TTN: variants seen among roughly 807,000 people sequenced by gnomAD.
TTN encodes the protein titin.
In TTN, 1,525 loss-of-function variants were observed where a neutral mutation model predicts 3,223.0. That is an observed-to-expected ratio of 0.47 (90% CI 0.45 to 0.49). The LOEUF is 0.49. Among genes scored for constraint, TTN ranks in the 20% least tolerant of loss-of-function variants. TTN has a pLI of 0.00. For synonymous variants in TTN, 14,094 were observed against 15,161.0 expected (o/e 0.93, Z 5.17); for missense variants, 40,786 against 43,424.0 (o/e 0.94, Z 5.40).
At chr2:178,647,325 A>T in intron 214 of TTN, 56 bp downstream of exon 214, 1 of 1,524,296 alleles carries the variant, frequency 6.6e-7, no homozygotes, top group Non-Finnish European at 8.9e-7. Flanking sequence ...CTACAATCAA[A>T]GCAAGAGGAT....
Position 178,715,155 on chromosome 2 carries a change from A to C in TTN, c.26031T>G (p.Tyr8677Ter). 4 of 1,613,750 alleles carry C rather than the reference A, an allele frequency of 2.5e-6. No homozygotes were observed. The highest frequency in any genetic ancestry group is 3.4e-6 in the Non-Finnish European group (4 of 1,179,712). Residue 8677 changes from tyrosine (Y) to a stop codon, truncating the protein, a stop_gained, in exon 90 of 363, where the codon TAT becomes TAG. Transcript: ENST00000589042. LOFTEE classifies it high-confidence loss of function. ...QGTPPFHVSW[Y>*]KDKRELRSGK... is the part of the protein sequence containing the mutation. The stretch of plus-strand genomic sequence containing the variant: ...CGCTCCTAAGTTCTCTCTTGTCTTT[A>C]TACCAAGAAACGTGAAATGGGGGAG...
At chr2:178,745,726 C>A (rs982843494) in intron 47 of TTN, 9 of 1,612,456 alleles carry the variant, frequency 5.6e-6, no homozygotes, top group South Asian at 1.1e-5. Flanking sequence ...CAACAGTGAA[C>A]CTTCTTCCTT....
chr2:178,558,866 G>T (rs898164529), intron 326 of TTN: 5 of 511,956 alleles, frequency 9.8e-6, no homozygotes, highest in Non-Finnish European at 1.7e-5. Flanking sequence ...AAAATGACCA[G>T]ATTAAATGAT....
chr2:178,541,220 G>C, intron 350 of TTN, 62 bp downstream of exon 350: 1 of 1,401,082 alleles, frequency 7.1e-7, no homozygotes, highest in South Asian at 1.6e-5. Flanking sequence ...ATTTCAAAAA[G>C]GTGAATTTTC....
intron 137 of TTN, 94 bp downstream of exon 137, chr2:178,681,282 A>G: frequency 6.9e-7 from 1 of 1,443,646 alleles, no homozygotes; most frequent in South Asian, 1.2e-5. Flanking sequence ...CATCCTACTC[A>G]GCAAAAACAC....
In TTN at chr2:178,574,023, C is replaced by T. The variant is rs916450369; in HGVS notation, c.72109G>A (p.Asp24037Asn). The T allele has an allele frequency of 1.2e-6, 2 of 1,613,440 alleles. No individual in the cohort carries two copies. Among genetic ancestry groups the T allele is most frequent in the Non-Finnish European group, 8.5e-7 (1 of 1,179,626 alleles). ...PKIKVDVKFK[D>N]TVILKAGEAF... ...TCACCTGCTTTTAATATAACCGTGT[C>T]CTTAAATTTAACATCCACCTTTATC... The change falls in exon 326 of 363, where the codon GAC (aspartate) becomes AAC (asparagine). Residue 24037 changes from aspartate to asparagine, a missense_variant. Physicochemically the swap from Asp to Asn is conservative, Grantham distance 23. Coordinates refer to ENST00000589042, the MANE Select transcript of TTN (RefSeq NM_001267550.2).
rs1420753673 is a variant in TTN at position 178,587,972 on chromosome 2, C to T, written c.63435G>A (p.Val21145=). 1 of 1,611,778 alleles carries T rather than the reference C, an allele frequency of 6.2e-7. No individual in the cohort carries two copies. ...CAATACCAACTTGGTTTTGGGCACA[C>T]ACCCTGAACTCATATTCCTGGTTTT... is the stretch of plus-strand genomic sequence containing the variant. ...LDENQEYEFR[V]CAQNQVGIGR... is the part of the protein sequence containing the mutation. Residue 21145 remains valine (V), a synonymous_variant, in exon 305 of 363, where the codon GTG becomes GTA. Transcript: ENST00000589042.
At chr2:178,744,561 T>C (rs1372246756) in intron 47 of TTN, 2 of 905,360 alleles carry the variant, frequency 2.2e-6, no homozygotes, top group Admixed American at 1.2e-4. Flanking sequence ...AAAAATTGAA[T>C]GCTTATTAAG....
intron 240 of TTN, among the ~76,000 whole-genome samples, chr2:178,626,489 C>T (rs1316604406): frequency 2.0e-5 from 3 of 151,830 alleles, no homozygotes; most frequent in Admixed American, 6.6e-5. Flanking sequence ...GTTTACTTAG[C>T]GTTAAAAATA....
At chr2:178,695,326 T>G in intron 115 of TTN, 22 bp downstream of exon 115, 1 of 1,600,242 alleles carries the variant, frequency 6.2e-7, no homozygotes, top group South Asian at 1.1e-5. Context: ...TCTAGTCTAT[T>G]TAAATATTTC....
intron 315 of TTN, 48 bp from the exon 316 acceptor site, chr2:178,581,852 GGTGTTT>G: frequency 4.4e-6 from 7 of 1,601,680 alleles, no homozygotes; most frequent in Non-Finnish European, 6.0e-6. Context: ...TTCCTTCCTG[GGTGTTT>G]AATGCTGCTT....
chr2:178,683,888 GCTTA>G, intron 133 of TTN, 107 bp downstream of exon 133: 1 of 708,990 alleles, frequency 1.4e-6, no homozygotes, highest in Non-Finnish European at 2.1e-6. Context: ...AACTTATATT[GCTTA>G]CTTTATACTA....
rs1367681610 is a variant in TTN, at chr2:178,734,379, C to A, written c.15445G>T (p.Val5149Phe). The change falls in exon 52 of 363, where the codon GTT (valine) becomes TTT (phenylalanine). Residue 5149 changes from valine (V) to phenylalanine (F), a missense_variant. Transcript: ENST00000589042. ...CCACACTTGCCGACTTCATTAGCAA[C>A]AACACATTCATATTCACCAACATCT... ...SADVGEYECV[V>F]ANEVGKCGCM... 1.6e-5 allele frequency: 26 copies of A among 1,611,398 alleles called. No individual in the cohort carries two copies. Among genetic ancestry groups the A allele is most frequent in the African/African-American group, 2.7e-5 (2 of 74,854 alleles).
chr2:178,723,196 T>C lies in TTN; in HGVS notation c.21811A>G (p.Thr7271Ala). The C allele has an allele frequency of 1.7e-5, 28 of 1,613,496 alleles. No homozygotes were observed. The highest frequency in any genetic ancestry group is 2.4e-5 in the Non-Finnish European group (28 of 1,179,624). ...VTWKKDGFNITTSEKCNIVTT... is the reference protein window; with the variant it reads ...VTWKKDGFNIATSEKCNIVTT... ...ACTATGTTACATTTTTCAGAGGTAGTTATGTTAAAACCATCCTTTTTCCAA... is the reference window on the plus strand; with the variant it reads ...ACTATGTTACATTTTTCAGAGGTAGCTATGTTAAAACCATCCTTTTTCCAA... The change falls in exon 75 of 363, where the codon ACT becomes GCT. Residue 7271 changes from threonine to alanine, a missense_variant. By Grantham distance (58) the Thr-to-Ala change is moderately conservative. Transcript: ENST00000589042.
chr2:178,804,998 T>C (rs964915076), intron 1 of TTN, among the ~76,000 whole-genome samples: 3 of 152,104 alleles, frequency 2.0e-5, no homozygotes, highest in South Asian at 2.1e-4. Flanking sequence ...ACCACAGCAA[T>C]GCAGGGTTAG....
rs367777281 is a variant in TTN at position 178,551,205 on chromosome 2, T to C, written c.91326A>G (p.Lys30442=). ...IDVTRETITL[K]WNPPLRDGGS... is the part of the protein sequence containing the mutation. ...CTCCATCACGCAATGGTGGGTTCCA[T>C]TTAAGTGTGATGGTTTCCCGGGTGA... Residue 30442 remains lysine (K), a synonymous_variant, in exon 336 of 363, where the codon AAA becomes AAG. Coordinates refer to ENST00000589042, the MANE Select transcript of TTN (RefSeq NM_001267550.2). The C allele has an allele frequency of 5.6e-6, 9 of 1,613,374 alleles. No homozygotes were observed. In the African/African-American group the frequency reaches 9.3e-5, roughly 17 times the overall value.
chr2:178,739,819 C>G lies in TTN; in HGVS notation c.13414G>C (p.Glu4472Gln). 6.2e-7 allele frequency: 1 copy of G among 1,613,868 alleles called. No individual in the cohort carries two copies. The highest frequency in any genetic ancestry group is 8.5e-7 in the Non-Finnish European group (1 of 1,179,824). ...VDPQMANLKM[E>Q]LRDALCAIIY... The stretch of plus-strand genomic sequence containing the variant: ...ATAGCACACAAAGCATCCCTAAGTT[C>G]CATTTTCAGGTTAGCCATTTGAGGA... The change falls in exon 48 of 363, where the codon GAA (glutamate) becomes CAA (glutamine). Residue 4472 changes from glutamate to glutamine, a missense_variant. Glu to Gln is a conservative substitution (Grantham distance 29). Transcript: ENST00000589042.
Position 178,663,836 on chromosome 2 carries a change from T to C in TTN, c.36431A>G (p.Glu12144Gly). 1.2e-6 allele frequency: 2 copies of C among 1,613,502 alleles called. No homozygotes were observed. Among genetic ancestry groups the C allele is most frequent in the Non-Finnish European group, 1.7e-6 (2 of 1,179,826 alleles). ...KVPLAPPKEP[E>G]VPPVKVPEPP... is the part of the protein sequence containing the mutation. ...GCAACTACCTTTAACAGGTGGGACT[T>C]CAGGCTCTTTAGGAGGAGCCAAGGG... Residue 12144 changes from glutamate (E) to glycine (G), a missense_variant, in exon 170 of 363, where the codon GAA (glutamate) becomes GGA (glycine). Coordinates refer to ENST00000589042, the MANE Select transcript of TTN (RefSeq NM_001267550.2).
At chr2:178,684,876 G>C in intron 130 of TTN, 30 bp downstream of exon 130, 1 of 1,566,162 alleles carries the variant, frequency 6.4e-7, no homozygotes, top group Non-Finnish European at 8.7e-7. Flanking sequence ...AAAAAAGACA[G>C]TCTTGAGAAT....
Sources: allele counts gnomAD v4.1 joint callset (sites outside exome capture counted in the v4.1 genomes callset), GRCh38; gene constraint gnomAD v4.1.1; transcripts MANE v1.5; gene names NCBI Gene and HGNC (gene_info 2026-07-23, HGNC 2026-07-21).